WWOX: variants seen among roughly 807,000 people sequenced by gnomAD.
WWOX encodes WW domain-containing oxidoreductase.
A neutral mutation model predicts 46.2 loss-of-function variants in WWOX; 69 were observed. That is an observed-to-expected ratio of 1.49 (90% CI 1.23 to 1.82). The LOEUF is 1.82. WWOX is among the 40% of genes most tolerant of loss of function. The pLI is 0.00. For missense variants in WWOX, 919 were observed against 542.6 expected (o/e 1.69, Z -6.89); for synonymous variants, 359 against 202.6 (o/e 1.77, Z -6.56).
At chr16:79,018,144 C>A (rs1209850918) in intron 8 of WWOX, among the ~76,000 whole-genome samples, 1 of 152,186 alleles carries the variant, frequency 6.6e-6, no homozygotes, top group Non-Finnish European at 1.5e-5. Context: ...CTTCAAGAAT[C>A]TTCCGGTTAA....
At chr16:78,740,602 G>T (rs2049197084) in intron 8 of WWOX, among the ~76,000 whole-genome samples, 1 of 152,154 alleles carries the variant, frequency 6.6e-6, no homozygotes, top group African/African-American at 2.4e-5. Flanking sequence ...CAGGCATGGG[G>T]CGCCGTTTCA....
intron 8 of WWOX, among the ~76,000 whole-genome samples, chr16:78,826,390 C>G (rs1042662879): frequency 2.6e-5 from 4 of 152,164 alleles, no homozygotes; most frequent in African/African-American, 9.7e-5. Flanking sequence ...GTTCTGGAGG[C>G]CAGACATTCA....
intron 8 of WWOX, among the ~76,000 whole-genome samples, chr16:78,795,019 C>T (rs2737299): frequency 6.6e-6 from 1 of 152,156 alleles, no homozygotes; most frequent in African/African-American, 2.4e-5. Context: ...AGGCTTAACA[C>T]TGATCTTTGA....
intron 8 of WWOX, among the ~76,000 whole-genome samples, chr16:79,110,074 C>T (rs954821737): frequency 1.3e-5 from 2 of 152,142 alleles, no homozygotes; most frequent in African/African-American, 4.8e-5. Flanking sequence ...TGTTATTGGG[C>T]TTTCAGACTT....
intron 8 of WWOX, among the ~76,000 whole-genome samples, chr16:78,457,709 T>A (rs565126692): frequency 6.6e-6 from 1 of 151,482 alleles, no homozygotes; most frequent in East Asian, 1.9e-4. Flanking sequence ...AGGTCAGGAG[T>A]TCGAGACCAG....
intron 8 of WWOX, among the ~76,000 whole-genome samples, chr16:78,709,462 G>T (rs1354720817): frequency 6.6e-6 from 1 of 152,130 alleles, no homozygotes; most frequent in African/African-American, 2.4e-5. Context: ...TGGTGAGATT[G>T]GGATATTACC....
At chr16:78,529,372 G>T (rs1378999501) in intron 8 of WWOX, among the ~76,000 whole-genome samples, 8 of 152,014 alleles carry the variant, frequency 5.3e-5, no homozygotes, top group Non-Finnish European at 1.2e-4. Flanking sequence ...TATGTGGCTG[G>T]GGTTCTTGGG....
At chr16:78,537,792 G>C (rs965159626) in intron 8 of WWOX, among the ~76,000 whole-genome samples, 1 of 152,062 alleles carries the variant, frequency 6.6e-6, no homozygotes, top group Admixed American at 6.6e-5. Flanking sequence ...TGAAAGGGAG[G>C]TAATCAGGGG....
At chr16:78,942,842 G>A (rs370759979) in intron 8 of WWOX, among the ~76,000 whole-genome samples, 43 of 152,270 alleles carry the variant, frequency 2.8e-4, no homozygotes, top group South Asian at 2.7e-3. Flanking sequence ...TCCAAATCCC[G>A]TGGCTCAGGT....
chr16:78,853,637 C>T (rs1030057322), intron 8 of WWOX, among the ~76,000 whole-genome samples: 1 of 152,078 alleles, frequency 6.6e-6, no homozygotes, highest in Non-Finnish European at 1.5e-5. Context: ...AGTACTTCGC[C>T]TTTCCCTGGG....
chr16:78,575,145 G>C (rs2044845475), intron 8 of WWOX, among the ~76,000 whole-genome samples: 1 of 123,020 alleles, frequency 8.1e-6, no homozygotes, highest in African/African-American at 2.8e-5. Flanking sequence ...AGATTTTTGA[G>C]AAAAACTTTG....
chr16:78,997,263 G>C (rs1329930199), intron 8 of WWOX, among the ~76,000 whole-genome samples: 1 of 152,066 alleles, frequency 6.6e-6, no homozygotes, highest in Non-Finnish European at 1.5e-5. Context: ...AGCAGTCCCA[G>C]CAAGACATGT....
intron 5 of WWOX, among the ~76,000 whole-genome samples, chr16:78,205,980 CCCTCCCTT>C (rs550878004): frequency 2.7e-4 from 41 of 151,726 alleles, no homozygotes; most frequent in South Asian, 1.5e-3. Context: ...TTTCTTTCCT[CCCTCCCTT>C]CCTCCCTTCC....
chr16:78,756,890 C>T (rs377275388), intron 8 of WWOX: 1 of 702,924 alleles, frequency 1.4e-6, no homozygotes, highest in South Asian at 1.5e-5. Context: ...GAGGCTAGAC[C>T]ATAAAAATAT....
rs775236397 is a variant in WWOX, at chr16:78,115,074, G to A, written c.329G>A (p.Ser110Asn). ...ACCACCCGGCAAAGATACGACGGCA[G>A]CACCACTGCCATGGAAATTCTCCAG... ...KPTTRQRYDG[S>N]TTAMEILQGR... is the part of the protein sequence containing the mutation. The change falls in exon 4 of 9, where the codon AGC (serine) becomes AAC (asparagine). Residue 110 changes from serine (S) to asparagine (N), a missense_variant. Ser to Asn is a conservative substitution (Grantham distance 46). Transcript: ENST00000566780. 6.2e-7 allele frequency: 1 copy of A among 1,614,186 alleles called. No homozygotes were observed. The highest frequency in any genetic ancestry group is 8.5e-7 in the Non-Finnish European group (1 of 1,180,036).
At chr16:79,160,355 G>A (rs1470487972) in intron 8 of WWOX, among the ~76,000 whole-genome samples, 2 of 152,110 alleles carry the variant, frequency 1.3e-5, no homozygotes, top group African/African-American at 4.8e-5. Flanking sequence ...GTGGAGGGTT[G>A]CTACCTAGTC....
At chr16:79,000,350 G>A (rs1289802118) in intron 8 of WWOX, among the ~76,000 whole-genome samples, 1 of 152,130 alleles carries the variant, frequency 6.6e-6, no homozygotes, top group Non-Finnish European at 1.5e-5. Flanking sequence ...AATATGGGAG[G>A]TTACATGGCA....
chr16:78,672,830 C>T (rs1325018803), intron 8 of WWOX, among the ~76,000 whole-genome samples: 1 of 152,228 alleles, frequency 6.6e-6, no homozygotes, highest in Non-Finnish European at 1.5e-5. Context: ...GATCGGAGTT[C>T]TATGGATTTT....
At chr16:78,630,085 A>C (rs1357941571) in intron 8 of WWOX, among the ~76,000 whole-genome samples, 1 of 152,154 alleles carries the variant, frequency 6.6e-6, no homozygotes, top group Non-Finnish European at 1.5e-5. Flanking sequence ...AGTCTATTTC[A>C]TTGAAAATCT....
Sources: allele counts gnomAD v4.1 joint callset (sites outside exome capture counted in the v4.1 genomes callset), GRCh38; gene constraint gnomAD v4.1.1; transcripts MANE v1.5; gene names NCBI Gene and HGNC (gene_info 2026-07-23, HGNC 2026-07-21).